ZNF93: variants seen among roughly 807,000 people sequenced by gnomAD.
ZNF93 encodes the protein zinc finger protein 505.
In ZNF93, 29 loss-of-function variants were observed where a neutral mutation model predicts 45.0. The observed-to-expected ratio is 0.64, with a 90% CI of 0.48 to 0.88. The LOEUF (loss-of-function observed/expected upper bound fraction) is 0.88, where lower values mean the gene tolerates loss of function less well. Ranked by LOEUF, ZNF93 falls within the 40% of genes least tolerant of loss-of-function variation. ZNF93 has a pLI of 0.00. For missense variants in ZNF93, 578 were observed against 724.0 expected (o/e 0.80, Z 2.31); for synonymous variants, 223 against 244.6 (o/e 0.91, Z 0.82).
At chr19:19,911,909 C>T (rs2063309710) in intron 1 of ZNF93, among the ~76,000 whole-genome samples, 1 of 151,976 alleles carries the variant, frequency 6.6e-6, no homozygotes. Flanking sequence ...GCCACTGCAC[C>T]TAGCTAATTT....
At chr19:19,932,135 T>C (rs751908104) in intron 3 of ZNF93, 4 of 215,212 alleles carry the variant, frequency 1.9e-5, no homozygotes, top group Non-Finnish European at 3.8e-5. Context: ...TAGCCAGGCA[T>C]GGTGGCCCAT....
At chr19:19,923,313 G>T (rs2063346856) in intron 3 of ZNF93, among the ~76,000 whole-genome samples, 1 of 152,146 alleles carries the variant, frequency 6.6e-6, no homozygotes, top group Admixed American at 6.5e-5. Context: ...CATCTCAGAG[G>T]GGTACCCGGC....
chr19:19,931,332 G>A (rs2063373749), intron 3 of ZNF93, among the ~76,000 whole-genome samples: 4 of 151,958 alleles, frequency 2.6e-5, no homozygotes, highest in Admixed American at 2.6e-4. Context: ...TGGGATTACA[G>A]GTGCATGCCA....
At position 19,930,923 on chromosome 19, in the gene ZNF93, T is replaced by A. The variant is rs73008673; in HGVS notation, c.227-2259T>A. Among the ~76,000 whole-genome samples the A allele has an allele frequency of 4.3e-3, 654 of 152,182 alleles. 3 individuals are homozygous for A. Among genetic ancestry groups the A allele is most frequent in the Non-Finnish European group, 6.7e-3 (455 of 67,984 alleles). On this transcript the variant is annotated intron_variant, in intron 3 of 3. Transcript: ENST00000343769. Reference sequence around the variant, plus strand: ...TGCTGCCCACAATATAATATCAATTTTTGTCTTGTAGAAGTACTTGATTTA... The same window carrying A: ...TGCTGCCCACAATATAATATCAATTATTGTCTTGTAGAAGTACTTGATTTA...
chr19:19,903,715 A>G (rs1469881296), intron 1 of ZNF93, among the ~76,000 whole-genome samples: 1 of 151,842 alleles, frequency 6.6e-6, no homozygotes, highest in Non-Finnish European at 1.5e-5. Flanking sequence ...GCAGTGAGCC[A>G]GATCAAGCCA....
intron 1 of ZNF93, among the ~76,000 whole-genome samples, chr19:19,903,496 G>T (rs2063282811): frequency 6.8e-6 from 1 of 148,080 alleles, no homozygotes; most frequent in South Asian, 2.1e-4. Flanking sequence ...CCAGCACTGG[G>T]ATTACCAGTG....
chr19:19,934,795 AT>A lies in ZNF93; in HGVS notation c.1842del (p.His615IlefsTer33). On this transcript the variant is annotated frameshift_variant, in exon 4 of 4. Coordinates refer to ENST00000343769, the MANE Select transcript of ZNF93 (RefSeq NM_031218.4). LOFTEE classifies it high-confidence loss of function. ...CTCAAGCCTTAGTAGACATGAGATA[AT>A]TCATACTGGGGAGAAACCCTAGAAG... Reference protein sequence around the residue: ...SPSSLSRHEIIHTGEKP With the variant: ...SPSSLSRHEIXHTGEKP The A allele has an allele frequency of 6.3e-7, 1 of 1,598,632 alleles. No homozygotes were observed. Among genetic ancestry groups the A allele is most frequent in the Non-Finnish European group, 8.5e-7 (1 of 1,173,526 alleles).
intron 3 of ZNF93, among the ~76,000 whole-genome samples, chr19:19,923,001 G>A (rs2063346168): frequency 6.6e-6 from 1 of 152,168 alleles, no homozygotes; most frequent in South Asian, 2.1e-4. Context: ...TTTGGAGGGG[G>A]AGAGGCACTC....
intron 1 of ZNF93, among the ~76,000 whole-genome samples, chr19:19,915,053 A>G (rs941490747): frequency 6.6e-6 from 1 of 152,204 alleles, no homozygotes; most frequent in African/African-American, 2.4e-5. Context: ...ATACTTTATT[A>G]TCTAGAAAAA....
chr19:19,907,226 C>CAA (rs2063295543), intron 1 of ZNF93, among the ~76,000 whole-genome samples: 1 of 151,942 alleles, frequency 6.6e-6, no homozygotes, highest in Non-Finnish European at 1.5e-5. Flanking sequence ...AAAGTAGACA[C>CAA]AGATTTGTTT....
In ZNF93 at chr19:19,920,428, GC is replaced by G. The variant is rs775531190; in HGVS notation, c.226+3775del. Among the ~76,000 whole-genome samples, 46 of 152,256 alleles carry G rather than the reference GC, an allele frequency of 3.0e-4. 1 individual carries two copies. The East Asian group carries it at 4.1e-3, about 13-fold the overall frequency. Reference sequence around the variant, plus strand: ...AATTCTCTTTTTTTGTTGTGTCTCTGCCAGGCTTTGGTATCAGGATGATGCT... The same window carrying G: ...AATTCTCTTTTTTTGTTGTGTCTCTGCAGGCTTTGGTATCAGGATGATGCT... On this transcript the variant is annotated intron_variant, in intron 3 of 3. Coordinates refer to ENST00000343769, the MANE Select transcript of ZNF93 (RefSeq NM_031218.4).
Position 19,931,012 on chromosome 19 carries a change from A to C in ZNF93, c.227-2170A>C, listed in dbSNP as rs2063372489. ...CAATTGTGGTTGCTATTTTCATGGA[A>C]TATACATTTTTTTCATTCTGTTACT... On this transcript the variant is annotated intron_variant, in intron 3 of 3. Coordinates refer to ENST00000343769, the MANE Select transcript of ZNF93 (RefSeq NM_031218.4). 2.0e-5 allele frequency among the ~76,000 whole-genome samples: 3 copies of C among 151,792 alleles called. No homozygotes were observed. The South Asian group carries it at 6.2e-4, about 31-fold the overall frequency.
rs79187839 is a variant in ZNF93 at position 19,933,609 on chromosome 19, A to T, written c.654A>T (p.Thr218=). The change falls in exon 4 of 4, where the codon ACA becomes ACT. Residue 218 remains threonine, a synonymous_variant. Coordinates refer to ENST00000343769, the MANE Select transcript of ZNF93 (RefSeq NM_031218.4). ...KAFKYSSALN[T]HKRIHTGEKP... is the part of the protein sequence containing the mutation. ...TTAAGTACTCCTCTGCCCTTAATACACATAAGAGAATTCATACTGGAGAGA... is the reference window on the plus strand; with the variant it reads ...TTAAGTACTCCTCTGCCCTTAATACTCATAAGAGAATTCATACTGGAGAGA... 2,062 of 1,609,374 alleles carry T rather than the reference A, an allele frequency of 1.3e-3. 25 individuals carry two copies. The African/African-American group carries it at 0.025, about 19-fold the overall frequency.
intron 1 of ZNF93, among the ~76,000 whole-genome samples, chr19:19,903,232 G>C (rs2063281320): frequency 6.6e-6 from 1 of 152,144 alleles, no homozygotes; most frequent in African/African-American, 2.4e-5. Flanking sequence ...CCCTAGGGAG[G>C]AGCAAACAAG....
At chr19:19,925,446 A>G (rs2063353413) in intron 3 of ZNF93, among the ~76,000 whole-genome samples, 1 of 152,156 alleles carries the variant, frequency 6.6e-6, no homozygotes, top group African/African-American at 2.4e-5. Flanking sequence ...GATGGTTGAG[A>G]TCTTTTTTGC....
intron 1 of ZNF93, among the ~76,000 whole-genome samples, chr19:19,913,645 C>A (rs1025606405): frequency 3.3e-5 from 5 of 152,030 alleles, no homozygotes; most frequent in Non-Finnish European, 7.4e-5. Flanking sequence ...GTTCATTGTT[C>A]CCGAATCTCT....
intron 3 of ZNF93, among the ~76,000 whole-genome samples, chr19:19,919,498 T>C (rs1467221223): frequency 6.6e-6 from 1 of 152,160 alleles, no homozygotes; most frequent in Non-Finnish European, 1.5e-5. Flanking sequence ...AGAAAGTCAT[T>C]GGTAGCTTGA....
Position 19,912,595 on chromosome 19 carries a change from C to T in ZNF93, c.4-2685C>T, listed in dbSNP as rs553767046. Among the ~76,000 whole-genome samples, 6 of 152,012 alleles carry T rather than the reference C, an allele frequency of 3.9e-5. No individual in the cohort carries two copies. The East Asian group carries it at 1.2e-3, about 29-fold the overall frequency. ...ATTCCTGCAGATCCAGTAGTTGCTG[C>T]ACAAGTCAAAAAAGTAAATATAAAC... On this transcript the variant is annotated intron_variant, in intron 1 of 3. Transcript: ENST00000343769.
intron 1 of ZNF93, among the ~76,000 whole-genome samples, 198 bp from the exon 2 acceptor site, chr19:19,915,082 G>A (rs2063319564): frequency 6.6e-6 from 1 of 152,148 alleles, no homozygotes; most frequent in Non-Finnish European, 1.5e-5. Flanking sequence ...ATGAACTGAT[G>A]TTGTGGATCT....
Sources: gnomAD v4.1 joint callset for allele counts (sites outside exome capture counted in the v4.1 genomes callset) on GRCh38, gnomAD v4.1.1 for gene constraint, MANE v1.5 for transcripts, NCBI Gene and HGNC (gene_info 2026-07-23, HGNC 2026-07-21) for gene names.